ANO6: variants seen among roughly 807,000 people sequenced by gnomAD.
ANO6 encodes anoctamin 6.
Under a neutral mutation model 117.5 loss-of-function variants are expected in ANO6, and 106 were observed. The observed-to-expected ratio is 0.90, with a 90% CI of 0.77 to 1.06. The LOEUF (loss-of-function observed/expected upper bound fraction) is 1.06. Ranked by LOEUF, ANO6 falls within the 50% of genes least tolerant of loss-of-function variation. The pLI, the probability that ANO6 is intolerant of heterozygous loss-of-function variation, is 0.00. For missense variants in ANO6, 955 were observed against 1,121.1 expected (o/e 0.85, Z 2.12); for synonymous variants, 367 against 385.1 (o/e 0.95, Z 0.55).
intron 1 of ANO6, among the ~76,000 whole-genome samples, chr12:45,250,221 G>A (rs1456290223): frequency 6.6e-6 from 1 of 152,184 alleles, no homozygotes; most frequent in East Asian, 1.9e-4. Flanking sequence ...TGGGAATGAA[G>A]AGGTGACATT....
chr12:45,252,998 A>C (rs944854680), intron 1 of ANO6, among the ~76,000 whole-genome samples: 2 of 152,230 alleles, frequency 1.3e-5, no homozygotes, highest in African/African-American at 4.8e-5. Flanking sequence ...CCTTGGGGAC[A>C]GAAATCATCA....
intron 1 of ANO6, among the ~76,000 whole-genome samples, chr12:45,298,556 A>G (rs1939373337): frequency 6.6e-6 from 1 of 152,128 alleles, no homozygotes; most frequent in South Asian, 2.1e-4. Context: ...GCTTCCCAGC[A>G]CTCTATCAGG....
At chr12:45,408,370 T>G (rs1254741823) in intron 15 of ANO6, among the ~76,000 whole-genome samples, 2 of 152,094 alleles carry the variant, frequency 1.3e-5, no homozygotes, top group African/African-American at 4.8e-5. Flanking sequence ...ATGCCACAGG[T>G]GCACACCTCA....
chr12:45,298,175 A>G (rs1165768339), intron 1 of ANO6, among the ~76,000 whole-genome samples: 1 of 152,202 alleles, frequency 6.6e-6, no homozygotes, highest in Non-Finnish European at 1.5e-5. Flanking sequence ...GATAACATAG[A>G]GGTCTCAAGT....
chr12:45,408,197 G>A (rs148516328), intron 15 of ANO6, among the ~76,000 whole-genome samples: 44 of 152,288 alleles, frequency 2.9e-4, no homozygotes, highest in South Asian at 1.9e-3. Flanking sequence ...TAACCATCAT[G>A]CGATGCCTTC....
chr12:45,362,291 A>G (rs1030949890), intron 8 of ANO6, among the ~76,000 whole-genome samples: 16 of 152,094 alleles, frequency 1.1e-4, no homozygotes, highest in African/African-American at 3.9e-4. Flanking sequence ...AATTATGCAT[A>G]GTATCCCCTT....
intron 2 of ANO6, among the ~76,000 whole-genome samples, chr12:45,316,807 A>C (rs2137350334): frequency 6.6e-6 from 1 of 151,314 alleles, no homozygotes; most frequent in South Asian, 2.1e-4. Context: ...ATGATGTAAA[A>C]TTAAGAGCCA....
intron 7 of ANO6, among the ~76,000 whole-genome samples, chr12:45,355,625 G>T (rs117559046): frequency 1.3e-5 from 2 of 152,158 alleles, no homozygotes; most frequent in African/African-American, 4.8e-5. Flanking sequence ...CCTGCCGTTT[G>T]CCTGCCTTCC....
intron 12 of ANO6, among the ~76,000 whole-genome samples, chr12:45,392,305 T>C (rs1016449064): frequency 3.9e-5 from 6 of 152,158 alleles, no homozygotes; most frequent in African/African-American, 1.4e-4. Flanking sequence ...GGGAGGGGCG[T>C]CCACCATTGC....
chr12:45,322,054 A>G (rs539640270), intron 2 of ANO6, among the ~76,000 whole-genome samples: 3 of 152,278 alleles, frequency 2.0e-5, no homozygotes, highest in South Asian at 2.1e-4. Context: ...TTTACCCACC[A>G]TGACTTTTGC....
At chr12:45,228,178 C>T (rs1376266904) in intron 1 of ANO6, 1 of 431,046 alleles carries the variant, frequency 2.3e-6, no homozygotes, top group Non-Finnish European at 4.5e-6. Flanking sequence ...GGCTGAAGTG[C>T]AGTAGTGGAG....
intron 8 of ANO6, among the ~76,000 whole-genome samples, chr12:45,366,454 A>G (rs1941688315): frequency 6.6e-6 from 1 of 152,122 alleles, no homozygotes. Flanking sequence ...GTTTGTTCAT[A>G]TGGATATCCT....
At chr12:45,392,156 A>G (rs2137588898) in intron 12 of ANO6, among the ~76,000 whole-genome samples, 1 of 152,310 alleles carries the variant, frequency 6.6e-6, no homozygotes, top group Non-Finnish European at 1.5e-5. Flanking sequence ...CAAATACTGC[A>G]CTTTTCCCAA....
At position 45,331,361 on chromosome 12, in the gene ANO6, C is replaced by A. The variant is rs765775901; in HGVS notation, c.217C>A (p.Leu73Ile). The change falls in exon 3 of 20, where the codon CTA (leucine) becomes ATA (isoleucine). Residue 73 changes from leucine to isoleucine, a missense_variant. Transcript: ENST00000320560. ...NDGQRRIDFV[L>I]VYEDESRKET... is the part of the protein sequence containing the mutation. ...TGGCCAGCGAAGAATTGACTTTGTT[C>A]TAGTATATGAGGATGAAAGCAGAAA... The A allele has an allele frequency of 1.4e-5, 23 of 1,609,058 alleles. No individual in the cohort carries two copies. In the African/African-American group the frequency reaches 2.3e-4, roughly 16 times the overall value.
intron 3 of ANO6, among the ~76,000 whole-genome samples, chr12:45,335,285 A>T (rs1406539816): frequency 6.6e-6 from 1 of 152,000 alleles, no homozygotes; most frequent in Non-Finnish European, 1.5e-5. Flanking sequence ...TCAAACTTTC[A>T]AATACCGTGA....
chr12:45,327,678 C>T (rs1172836965), intron 2 of ANO6, among the ~76,000 whole-genome samples: 9 of 152,068 alleles, frequency 5.9e-5, no homozygotes, highest in Non-Finnish European at 7.4e-5. Flanking sequence ...TTTGTGTGCT[C>T]TTGCATGCAT....
Position 45,342,583 on chromosome 12 carries a change from G to A in ANO6, c.280-4439G>A, listed in dbSNP as rs149267839. On this transcript the variant is annotated intron_variant, in intron 3 of 19. Coordinates refer to ENST00000320560, the MANE Select transcript of ANO6 (RefSeq NM_001025356.3). Reference sequence around the variant, plus strand: ...AAGTAAAAGTACATGGAAAATTTGGGGGGCTCAGAAAATTTGGGGGGCTGC... The same window carrying A: ...AAGTAAAAGTACATGGAAAATTTGGAGGGCTCAGAAAATTTGGGGGGCTGC... Among the ~76,000 whole-genome samples the A allele has an allele frequency of 2.0e-3, 310 of 152,100 alleles. 2 individuals are homozygous for A. The highest frequency in any genetic ancestry group is 7.1e-3 in the African/African-American group (296 of 41,482).
chr12:45,244,943 G>A (rs1359928905), intron 1 of ANO6, among the ~76,000 whole-genome samples: 1 of 152,218 alleles, frequency 6.6e-6, no homozygotes, highest in Non-Finnish European at 1.5e-5. Context: ...AAAAGGTTCA[G>A]CGGTATCCCT....
chr12:45,289,824 G>A (rs980660335), intron 1 of ANO6, among the ~76,000 whole-genome samples: 1 of 152,280 alleles, frequency 6.6e-6, no homozygotes, highest in East Asian at 1.9e-4. Flanking sequence ...TGCTCTGTGT[G>A]TATATGACAA....
Sources: allele counts gnomAD v4.1 joint callset (sites outside exome capture counted in the v4.1 genomes callset), GRCh38; gene constraint gnomAD v4.1.1; transcripts MANE v1.5; gene names NCBI Gene and HGNC (gene_info 2026-07-23, HGNC 2026-07-21).